AKIP1: variants seen among roughly 807,000 people sequenced by gnomAD.
AKIP1 encodes A-kinase-interacting protein 1.
AKIP1 carries 18 observed loss-of-function variants against 22.3 expected under a neutral mutation model. The observed-to-expected ratio is 0.81, with a 90% CI of 0.56 to 1.19. The LOEUF is 1.19. AKIP1 is among the 50% of genes most tolerant of loss of function. The pLI, the probability that AKIP1 is intolerant of heterozygous loss-of-function variation, is 0.00. For synonymous variants in AKIP1, 120 were observed against 102.7 expected, an observed-to-expected ratio of 1.17 and a Z score of -1.02; for missense variants, 287 against 264.6, an observed-to-expected ratio of 1.08 and a Z score of -0.59.
chr11:8,914,518 G>A (rs775885101), intron 3 of AKIP1, among the ~76,000 whole-genome samples: 26 of 152,316 alleles, frequency 1.7e-4, no homozygotes, highest in Middle Eastern at 3.4e-3. Context: ...TTGGACATGG[G>A]GGCAAAGATG....
In AKIP1 at chr11:8,919,568, C is replaced by A. The variant is rs983083003; in HGVS notation, c.*88C>A. On this transcript the variant is annotated 3_prime_UTR_variant, in exon 6 of 6. Transcript: ENST00000309377. ...ATTCTCTTAATAGCTATACATTAATCCTGTTTTTAGTGCTGACTGGGTCAG... is the reference window on the plus strand; with the variant it reads ...ATTCTCTTAATAGCTATACATTAATACTGTTTTTAGTGCTGACTGGGTCAG... The A allele has an allele frequency of 1.4e-5, 20 of 1,445,718 alleles. No homozygotes were observed. The highest frequency in any genetic ancestry group is 1.6e-5 in the Non-Finnish European group (17 of 1,059,414). The allele number at this position is 1,445,718 out of a possible 1,614,324, so 89.6% of individuals were successfully genotyped here.
intron 4 of AKIP1, among the ~76,000 whole-genome samples, chr11:8,915,418 C>T (rs117678702): frequency 0.024 from 3,077 of 125,694 alleles, 47 homozygotes; most frequent in Middle Eastern, 0.051. Context: ...GGCTAGAGTG[C>T]AGTGGAGCAA....
rs1317905895 is a variant in AKIP1 at position 8,912,518 on chromosome 11, T to G, written c.288T>G (p.Thr96=). ...FRTMAEFMDY[T]SSQCGKYYSS... Reference sequence around the variant, plus strand: ...CAATGGCTGAATTCATGGACTATACTTCAAGTCAGTGTGGGGTAAGTTGGT... The same window carrying G: ...CAATGGCTGAATTCATGGACTATACGTCAAGTCAGTGTGGGGTAAGTTGGT... Residue 96 remains threonine (T), a synonymous_variant, in exon 3 of 6, where the codon ACT becomes ACG. Coordinates refer to ENST00000309377, the MANE Select transcript of AKIP1 (RefSeq NM_020642.4). The G allele has an allele frequency of 6.2e-7, 1 of 1,614,032 alleles. No homozygotes were observed. Among genetic ancestry groups the G allele is most frequent in the Non-Finnish European group, 8.5e-7 (1 of 1,179,908 alleles).
At position 8,919,542 on chromosome 11, in the gene AKIP1, G is replaced by T. The variant is rs1173507144; in HGVS notation, c.*62G>T. 3 of 1,555,208 alleles carry T rather than the reference G, an allele frequency of 1.9e-6. No homozygotes were observed. Among genetic ancestry groups the T allele is most frequent in the East Asian group, 2.2e-5 (1 of 44,644 alleles). ...AGTAGTAAGAATAAAGCCACTGTAT[G>T]ATTCTCTTAATAGCTATACATTAAT... On this transcript the variant is annotated 3_prime_UTR_variant, in exon 6 of 6. Coordinates refer to ENST00000309377, the MANE Select transcript of AKIP1 (RefSeq NM_020642.4).
chr11:8,917,431 A>G (rs747183024), intron 5 of AKIP1, 64 bp downstream of exon 5: 7 of 1,254,890 alleles, frequency 5.6e-6, no homozygotes, highest in South Asian at 3.6e-5. Flanking sequence ...ACCAGTTGAC[A>G]TGGTTCTTAG....
rs753364723 is a variant in AKIP1, at chr11:8,919,367, G to GA, written c.522dup (p.Val175SerfsTer14). On this transcript the variant is annotated frameshift_variant, in exon 6 of 6. Coordinates refer to ENST00000309377, the MANE Select transcript of AKIP1 (RefSeq NM_020642.4). LOFTEE classifies it high-confidence loss of function. Reference sequence around the variant, plus strand: ...GAACATCTCTAAGGACCTCTACATAGAAGTATATCCAGGGACCTATTCTGT... The same window carrying GA: ...GAACATCTCTAAGGACCTCTACATAGAAAGTATATCCAGGGACCTATTCTGT... 2 of 1,614,042 alleles carry GA rather than the reference G, an allele frequency of 1.2e-6. No individual in the cohort carries two copies. The highest frequency in any genetic ancestry group is 3.3e-5 in the Admixed American group (2 of 60,006).
intron 1 of AKIP1, 44 bp from the exon 2 acceptor site, chr11:8,911,400 G>A (rs2064339005): frequency 2.0e-6 from 3 of 1,505,888 alleles, no homozygotes; most frequent in Non-Finnish European, 2.7e-6. Context: ...GGTCGCCGCG[G>A]CCCAGCTGAC....
At chr11:8,919,246 C>A in intron 5 of AKIP1, 91 bp from the exon 6 acceptor site, 1 of 1,275,738 alleles carries the variant, frequency 7.8e-7, no homozygotes, top group Middle Eastern at 2.0e-4. Context: ...CATTCCATCA[C>A]ACCTCTGCAA....
intron 2 of AKIP1, among the ~76,000 whole-genome samples, chr11:8,911,896 T>TA (rs34044522): frequency 0.59 from 85,609 of 144,882 alleles, 27,983 homozygotes; most frequent in Non-Finnish European, 0.76. Flanking sequence ...GTTGGTTACT[T>TA]AAAAAAAAAA....
chr11:8,912,389 A>G, intron 2 of AKIP1, 64 bp from the exon 3 acceptor site: 1 of 1,355,154 alleles, frequency 7.4e-7, no homozygotes, highest in Non-Finnish European at 1.1e-6. Flanking sequence ...CTATTTCCAA[A>G]ATGGCTTCAT....
chr11:8,919,409 G>A lies in AKIP1; in HGVS notation c.562G>A (p.Asp188Asn), dbSNP rs2064541541. ...GTYSVTVGSN[D>N]LTKKTHVVAV... ...CTATTCTGTCACTGTGGGCTCAAAT[G>A]ACTTAACCAAGAAGACTCATGTGGT... Residue 188 changes from aspartate (D) to asparagine (N), a missense_variant, in exon 6 of 6, where the codon GAC becomes AAC. Transcript: ENST00000309377. The A allele has an allele frequency of 6.2e-7, 1 of 1,614,040 alleles. No homozygotes were observed. Among genetic ancestry groups the A allele is most frequent in the Admixed American group, 1.7e-5 (1 of 60,004 alleles).
Position 8,911,649 on chromosome 11 carries a change from C to T in AKIP1, c.200C>T (p.Pro67Leu), listed in dbSNP as rs374997800. The change falls in exon 2 of 6, where the codon CCG (proline) becomes CTG (leucine). Residue 67 changes from proline (P) to leucine (L), a missense_variant. Coordinates refer to ENST00000309377, the MANE Select transcript of AKIP1 (RefSeq NM_020642.4). ...PHLEKQPAAG[P>L]QRVLPGEREE... ...CTAGAGAAACAGCCGGCAGCCGGCC[C>T]GCAGCGCGTTCTCCCGGGAGAGGTG... 413 of 1,570,944 alleles carry T rather than the reference C, an allele frequency of 2.6e-4. No individual in the cohort carries two copies. The highest frequency in any genetic ancestry group is 3.2e-4 in the Non-Finnish European group (370 of 1,160,878).
Position 8,919,594 on chromosome 11 carries a change from C to A in AKIP1, c.*114C>A. The A allele has an allele frequency of 2.5e-6, 3 of 1,216,838 alleles. No homozygotes were observed. The highest frequency in any genetic ancestry group is 3.5e-6 in the Non-Finnish European group (3 of 867,458). The allele number at this position is 1,216,838 out of a possible 1,614,324, so 75.4% of individuals were successfully genotyped here. ...CTGTTTTTAGTGCTGACTGGGTCAGCCTTCCGGGAACTGGAGTCTGTCTCT... is the reference window on the plus strand; with the variant it reads ...CTGTTTTTAGTGCTGACTGGGTCAGACTTCCGGGAACTGGAGTCTGTCTCT... On this transcript the variant is annotated 3_prime_UTR_variant, in exon 6 of 6. Coordinates refer to ENST00000309377, the MANE Select transcript of AKIP1 (RefSeq NM_020642.4).
chr11:8,917,173 T>A, intron 4 of AKIP1, 114 bp from the exon 5 acceptor site: 1 of 645,876 alleles, frequency 1.5e-6, no homozygotes, highest in South Asian at 3.0e-5. Context: ...AGATGACAAC[T>A]TAGAAAAAGC....
intron 3 of AKIP1, 58 bp downstream of exon 3, chr11:8,912,591 TC>T: frequency 6.8e-7 from 1 of 1,474,576 alleles, no homozygotes; most frequent in Non-Finnish European, 9.5e-7. Flanking sequence ...CACATTTGGA[TC>T]TTTCTGGAAT....
intron 5 of AKIP1, among the ~76,000 whole-genome samples, chr11:8,918,718 C>T (rs1019849390): frequency 6.6e-6 from 1 of 152,180 alleles, no homozygotes; most frequent in Admixed American, 6.5e-5. Context: ...GTGCTCAGTT[C>T]GGCTCTAAAT....
Position 8,919,698 on chromosome 11 carries a change from G to A in AKIP1, c.*218G>A, listed in dbSNP as rs1384876867. On this transcript the variant is annotated 3_prime_UTR_variant, in exon 6 of 6. Transcript: ENST00000309377. ...GTTGCCCAGGCTGGAGTGCAGTGGC[G>A]TGATCTCGGCTCACTGCAAGTTCCG... The A allele has an allele frequency of 2.8e-5, 13 of 462,998 alleles. No individual in the cohort carries two copies. The highest frequency in any genetic ancestry group is 2.3e-5 in the Non-Finnish European group (6 of 262,730). 28.7% of individuals were successfully genotyped at this position (462,998 alleles called of 1,614,324 possible). A position where few individuals can be genotyped will look rare whatever the true frequency, so the allele number is the denominator to read the frequency against.
Position 8,917,312 on chromosome 11 carries a change from T to C in AKIP1, c.434T>C (p.Leu145Pro), listed in dbSNP as rs1244381124. Residue 145 changes from leucine (L) to proline (P), a missense_variant, in exon 5 of 6, where the codon CTT (leucine) becomes CCT (proline). By Grantham distance (98) the Leu-to-Pro change is moderately conservative. Coordinates refer to ENST00000309377, the MANE Select transcript of AKIP1 (RefSeq NM_020642.4). ...GQRKDRKKTS[L>P]GPGGSYQISE... ...AGAAAAGACAGAAAAAAGACATCCC[T>C]TGGTCCTGGAGGCAGCTATCAAATA... 3 of 1,610,998 alleles carry C rather than the reference T, an allele frequency of 1.9e-6. No homozygotes were observed. Among genetic ancestry groups the C allele is most frequent in the Non-Finnish European group, 2.5e-6 (3 of 1,178,250 alleles).
intron 5 of AKIP1, chr11:8,917,690 C>A (rs930132773): frequency 6.7e-5 from 29 of 433,732 alleles, no homozygotes; most frequent in African/African-American, 5.7e-4. Flanking sequence ...ACCATCTGTT[C>A]AAGCAGCAGG....
Sources: gnomAD v4.1 joint callset for allele counts (sites outside exome capture counted in the v4.1 genomes callset) on GRCh38, gnomAD v4.1.1 for gene constraint, MANE v1.5 for transcripts, NCBI Gene and HGNC (gene_info 2026-07-23, HGNC 2026-07-21) for gene names.